The following SPRY3 variants were observed in gnomAD, a reference collection of about 807,000 sequenced individuals.
SPRY3 encodes the protein protein sprouty homolog 3.
In SPRY3, 15 loss-of-function variants were observed where a neutral mutation model predicts 20.2. The observed-to-expected ratio is 0.74, with a 90% CI of 0.50 to 1.14. The LOEUF is 1.14. Among genes scored for constraint, SPRY3 ranks in the 50% most tolerant of loss-of-function variants. The probability of loss-of-function intolerance (pLI) is 0.00; values close to 1 mark genes in which losing one functional copy is unlikely to be tolerated. For synonymous variants in SPRY3, 143 were observed against 136.5 expected (o/e 1.05, Z -0.33); for missense variants, 364 against 363.9 (o/e 1.00, Z 0.00).
intron 2 of SPRY3, among the ~76,000 whole-genome samples, chrX:155,710,220 C>A (rs1472273729): frequency 6.6e-6 from 1 of 151,394 alleles, no homozygotes; most frequent in Non-Finnish European, 1.5e-5. Context: ...TATTTTGATA[C>A]GGATTGCATT....
downstream of SPRY3, chrX:155,777,635 T>TTATATATATATATATATATATATATA (rs1405328791): frequency 5.3e-5 from 1 of 18,800 alleles, no homozygotes; most frequent in Non-Finnish European, 9.9e-5. Flanking sequence ...CCTTCTGTGA[T>TTATATATATATATATATATATATATA]TATATATATT....
At chrX:155,731,911 G>A (rs1250032546) in intron 2 of SPRY3, among the ~76,000 whole-genome samples, 15 of 152,004 alleles carry the variant, frequency 9.9e-5, no homozygotes, top group Non-Finnish European at 1.5e-5. Context: ...AGTAAGATTA[G>A]TATTATTTTT....
intron 2 of SPRY3, among the ~76,000 whole-genome samples, chrX:155,703,745 A>G (rs775876454): frequency 5.4e-4 from 82 of 150,764 alleles, no homozygotes; most frequent in African/African-American, 1.9e-3. Flanking sequence ...TTTCTCTTGT[A>G]GGCATTTAGT....
chrX:155,735,609 G>A (rs936436580), intron 2 of SPRY3, among the ~76,000 whole-genome samples: 2 of 151,922 alleles, frequency 1.3e-5, no homozygotes, highest in Non-Finnish European at 2.9e-5. Flanking sequence ...TCTGCTTCAT[G>A]CGATATTGAT....
At chrX:155,779,479 T>C (rs985383324), downstream of SPRY3, 4 of 167,000 alleles carry the variant, frequency 2.4e-5, no homozygotes, top group Non-Finnish European at 4.4e-5. Context: ...GGCTTCTTTT[T>C]TATATGGAAA....
chrX:155,757,869 A>C (rs1283831267), intron 2 of SPRY3, among the ~76,000 whole-genome samples: 1 of 152,232 alleles, frequency 6.6e-6, no homozygotes, highest in African/African-American at 2.4e-5. Flanking sequence ...GGTGCCCATC[A>C]GCAGTGGATT....
At chrX:155,768,567 G>C (rs1403246368) in intron 3 of SPRY3, among the ~76,000 whole-genome samples, 2 of 152,162 alleles carry the variant, frequency 1.3e-5, no homozygotes, top group African/African-American at 2.4e-5. Flanking sequence ...CTCTGCTATT[G>C]GCTCACAAGT....
At chrX:155,715,761 C>G (rs1223063347) in intron 2 of SPRY3, among the ~76,000 whole-genome samples, 1 of 152,166 alleles carries the variant, frequency 6.6e-6, no homozygotes, top group Non-Finnish European at 1.5e-5. Context: ...TGATACTGCT[C>G]TAGCTAAGGC....
chrX:155,743,338 G>C (rs1473941892), intron 2 of SPRY3, among the ~76,000 whole-genome samples: 1 of 152,068 alleles, frequency 6.6e-6, no homozygotes, highest in African/African-American at 2.4e-5. Context: ...AATTAGTTCT[G>C]GGGATGTGCA....
chrX:155,765,816 A>T (rs1456518451), intron 2 of SPRY3, among the ~76,000 whole-genome samples: 1 of 152,244 alleles, frequency 6.6e-6, no homozygotes, highest in African/African-American at 2.4e-5. Context: ...CCTATGGGTT[A>T]CATTAGAGCA....
At position 155,709,547 on chromosome X, in the gene SPRY3, T is replaced by C. The variant is rs779994750; in HGVS notation, c.-282+52522T>C. ...TCTATAGAGTTGTTTGAGCTCCTTA[T>C]TTATTCTGATTATCAATTCCTTGTC... On this transcript the variant is annotated intron_variant, in intron 2 of 3. Transcript: ENST00000675360. 1.5e-4 allele frequency among the ~76,000 whole-genome samples: 23 copies of C among 151,944 alleles called. No homozygotes were observed. In the East Asian group the frequency reaches 3.9e-3, roughly 25 times the overall value.
At chrX:155,763,627 A>G (rs1433935316) in intron 2 of SPRY3, among the ~76,000 whole-genome samples, 5 of 152,160 alleles carry the variant, frequency 3.3e-5, no homozygotes, top group Non-Finnish European at 7.4e-5. Context: ...TACCTCTTAC[A>G]TAAGACAGTT....
At chrX:155,720,574 C>G (rs1273532431) in intron 2 of SPRY3, among the ~76,000 whole-genome samples, 1 of 152,144 alleles carries the variant, frequency 6.6e-6, no homozygotes, top group South Asian at 2.1e-4. Flanking sequence ...TGTCATGCCA[C>G]CCCCAGCTTC....
At chrX:155,692,841 T>C (rs1192282395) in intron 2 of SPRY3, among the ~76,000 whole-genome samples, 2 of 111,995 alleles carry the variant, frequency 1.8e-5, no homozygotes, top group Admixed American at 1.9e-4. Context: ...TACATACTTA[T>C]TAACTTTTAA....
At chrX:155,755,243 C>G (rs1178920278) in intron 2 of SPRY3, among the ~76,000 whole-genome samples, 3 of 148,934 alleles carry the variant, frequency 2.0e-5, no homozygotes, top group Non-Finnish European at 4.4e-5. Flanking sequence ...ACCCCAATGT[C>G]TTTAAATTGC....
At chrX:155,749,887 A>C (rs2091251988) in intron 2 of SPRY3, among the ~76,000 whole-genome samples, 4 of 151,834 alleles carry the variant, frequency 2.6e-5, no homozygotes, top group Admixed American at 2.6e-4. Flanking sequence ...AGTGGGATAC[A>C]TTATTCTGGA....
intron 1 of SPRY3, among the ~76,000 whole-genome samples, chrX:155,646,530 T>A (rs2067958280): frequency 1.8e-5 from 2 of 111,866 alleles, no homozygotes; most frequent in Non-Finnish European, 3.8e-5. Flanking sequence ...TAAGTACTTT[T>A]TTTTCTTTTT....
chrX:155,709,438 A>G (rs1347276370), intron 2 of SPRY3, among the ~76,000 whole-genome samples: 1 of 151,678 alleles, frequency 6.6e-6, no homozygotes, highest in East Asian at 1.9e-4. Context: ...CCTTTTTCAT[A>G]TTCCTGTTTG....
At chrX:155,667,998 G>A (rs1323884775) in intron 2 of SPRY3, among the ~76,000 whole-genome samples, 1 of 98,735 alleles carries the variant, frequency 1.0e-5, no homozygotes, top group African/African-American at 3.5e-5. Context: ...AATCTTATAC[G>A]TTGCTGGTGG....
Sources: allele counts gnomAD v4.1 joint callset (sites outside exome capture counted in the v4.1 genomes callset), GRCh38; gene constraint gnomAD v4.1.1; transcripts MANE v1.5; gene names NCBI Gene and HGNC (gene_info 2026-07-23, HGNC 2026-07-21).